The following AKAP9 variants were observed in gnomAD, a reference collection of about 807,000 sequenced individuals.
AKAP9 encodes A-kinase anchoring protein 9.
In AKAP9, 311 loss-of-function variants were observed where a neutral mutation model predicts 488.5. That is an observed-to-expected ratio of 0.64 (90% CI 0.58 to 0.70). The LOEUF is 0.70. Ranked by LOEUF, AKAP9 falls within the 30% of genes least tolerant of loss-of-function variation. The pLI, the probability that AKAP9 is intolerant of heterozygous loss-of-function variation, is 0.00. For missense variants in AKAP9, 4,215 were observed against 4,374.5 expected (o/e 0.96, Z 1.03); for synonymous variants, 1,462 against 1,483.5 (o/e 0.99, Z 0.33).
intron 17 of AKAP9, among the ~76,000 whole-genome samples, chr7:92,039,932 G>A (rs1173937479): frequency 6.6e-6 from 1 of 152,130 alleles, no homozygotes; most frequent in African/African-American, 2.4e-5. Flanking sequence ...CCAAGGTGGT[G>A]CCACTGCACT....
chr7:92,010,763 C>T (rs1800634788), intron 8 of AKAP9, among the ~76,000 whole-genome samples: 1 of 152,174 alleles, frequency 6.6e-6, no homozygotes, highest in Non-Finnish European at 1.5e-5. Flanking sequence ...AGGCAATCTC[C>T]TCATCTCAGC....
intron 8 of AKAP9, among the ~76,000 whole-genome samples, chr7:92,007,452 A>G (rs1027647118): frequency 6.6e-6 from 1 of 152,074 alleles, no homozygotes; most frequent in African/African-American, 2.4e-5. Flanking sequence ...GGGTTTCACC[A>G]TGTTGGCCAG....
chr7:92,045,283 T>A, intron 21 of AKAP9, 70 bp downstream of exon 21: 1 of 1,447,520 alleles, frequency 6.9e-7, no homozygotes, highest in Non-Finnish European at 9.7e-7. Context: ...TTTTGCCATG[T>A]GTTGAAAATA....
chr7:91,960,999 G>A (rs1192503744), intron 1 of AKAP9, among the ~76,000 whole-genome samples: 1 of 152,190 alleles, frequency 6.6e-6, no homozygotes, highest in East Asian at 1.9e-4. Flanking sequence ...TTGATGAAAT[G>A]AGAGACTGTT....
rs377056723 is a variant in AKAP9, at chr7:92,076,017, T to C, written c.6613-838T>C. 2.5e-4 allele frequency among the ~76,000 whole-genome samples: 38 copies of C among 152,334 alleles called. No homozygotes were observed. The East Asian group carries it at 7.3e-3, about 29-fold the overall frequency. On this transcript the variant is annotated intron_variant, in intron 28 of 49. Coordinates refer to ENST00000356239, the MANE Select transcript of AKAP9 (RefSeq NM_005751.5). The stretch of plus-strand genomic sequence containing the variant: ...ATGCTCCTGCATCTTAGTTTGCTTT[T>C]TGATCAGCAGTTTTGATCATGAGGT...
chr7:91,967,495 T>G (rs1431179918), intron 1 of AKAP9, among the ~76,000 whole-genome samples: 2 of 152,242 alleles, frequency 1.3e-5, no homozygotes, highest in African/African-American at 4.8e-5. Context: ...TCCAGTTTGT[T>G]GAGGGTTTCT....
At chr7:91,978,653 A>G (rs563690587) in intron 2 of AKAP9, among the ~76,000 whole-genome samples, 15 of 152,332 alleles carry the variant, frequency 9.8e-5, no homozygotes, top group African/African-American at 3.6e-4. Flanking sequence ...TGTTATAACA[A>G]AAGTGGTTAT....
chr7:92,104,186 ATTTATTTTTTT>A (rs1435936794), intron 46 of AKAP9, among the ~76,000 whole-genome samples: 1 of 87,326 alleles, frequency 1.1e-5, no homozygotes, highest in Non-Finnish European at 2.1e-5. Flanking sequence ...TTATTTATTT[ATTTATTTTTTT>A]TTTTTTTTTT....
In AKAP9 at chr7:92,076,399, C is replaced by A. The variant is rs535086228; in HGVS notation, c.6613-456C>A. Among the ~76,000 whole-genome samples, 6 of 152,138 alleles carry A rather than the reference C, an allele frequency of 3.9e-5. No individual in the cohort carries two copies. In the East Asian group the frequency reaches 1.2e-3, roughly 29 times the overall value. ...CTTAACAAACCACATGGCAGCCAGG[C>A]CTTTTAGTAAGTTAATTAGATATTT... On this transcript the variant is annotated intron_variant, in intron 28 of 49. Coordinates refer to ENST00000356239, the MANE Select transcript of AKAP9 (RefSeq NM_005751.5).
chr7:92,070,730 C>T (rs919001469), intron 27 of AKAP9, among the ~76,000 whole-genome samples, 175 bp from the exon 28 acceptor site: 5 of 144,462 alleles, frequency 3.5e-5, no homozygotes, highest in South Asian at 2.2e-4. Context: ...CCATCATGCC[C>T]GGCCAACTTT....
At chr7:92,083,988 C>T (rs1049325854) in intron 33 of AKAP9, among the ~76,000 whole-genome samples, 1 of 152,130 alleles carries the variant, frequency 6.6e-6, no homozygotes, top group Non-Finnish European at 1.5e-5. Flanking sequence ...GCACCTCACC[C>T]CCGACAGGCC....
chr7:91,991,924 G>A (rs974856812), intron 3 of AKAP9, among the ~76,000 whole-genome samples: 2 of 152,218 alleles, frequency 1.3e-5, no homozygotes, highest in Non-Finnish European at 2.9e-5. Context: ...AAGTGAAAAT[G>A]TATATATGTG....
At chr7:92,094,658 C>T (rs372438422) in intron 39 of AKAP9, among the ~76,000 whole-genome samples, 1 of 152,082 alleles carries the variant, frequency 6.6e-6, no homozygotes, top group Non-Finnish European at 1.5e-5. Context: ...AATGGTGAAA[C>T]TCCATCTCTA....
rs758538072 is a variant in AKAP9 at position 91,980,247 on chromosome 7, C to CA, written c.307-36dup. On this transcript the variant is annotated intron_variant, in intron 2 of 49. Coordinates refer to ENST00000356239, the MANE Select transcript of AKAP9 (RefSeq NM_005751.5). ...GTTTAGTAAAGTATGATATTTAGCA[C>CA]AAAAAAGTCATAATTATATTTGGTT... 5 of 1,322,910 alleles carry CA rather than the reference C, an allele frequency of 3.8e-6. No individual in the cohort carries two copies. The Admixed American group carries it at 5.2e-5, about 14-fold the overall frequency. 81.9% of individuals were successfully genotyped at this position (1,322,910 alleles called of 1,614,324 possible).
chr7:92,023,253 GGTT>G (rs1441411581), intron 14 of AKAP9, among the ~76,000 whole-genome samples: 1 of 152,134 alleles, frequency 6.6e-6, no homozygotes. Context: ...TAAAGATGTT[GGTT>G]GTTGTTAATC....
At chr7:91,984,262 T>TTA (rs1796788190) in intron 3 of AKAP9, among the ~76,000 whole-genome samples, 1 of 152,162 alleles carries the variant, frequency 6.6e-6, no homozygotes, top group Non-Finnish European at 1.5e-5. Flanking sequence ...TATGGTTTTA[T>TTA]GTCTAACATT....
At chr7:92,096,485 C>T (rs1190746678) in intron 40 of AKAP9, among the ~76,000 whole-genome samples, 1 of 152,036 alleles carries the variant, frequency 6.6e-6, no homozygotes, top group Admixed American at 6.6e-5. Context: ...CAGGCACGTG[C>T]CATTGCACCC....
chr7:92,098,758 G>A (rs778119688), intron 43 of AKAP9, among the ~76,000 whole-genome samples: 13 of 151,970 alleles, frequency 8.6e-5, no homozygotes, highest in South Asian at 8.3e-4. Flanking sequence ...CACACAGTCC[G>A]ACACCCTGAG....
In AKAP9 at chr7:92,079,621, T is replaced by C. The variant is rs201977551; in HGVS notation, c.7488T>C (p.Asn2496=). The part of the protein sequence containing the change: ...FEENGKGSII[N]LETRLLQLES... Reference sequence around the variant, plus strand: ...AAAATGGCAAAGGTTCCATAATTAATTTGGAAACAAGGTTGCTACAACTTG... The same window carrying C: ...AAAATGGCAAAGGTTCCATAATTAACTTGGAAACAAGGTTGCTACAACTTG... The change falls in exon 31 of 50, where the codon AAT becomes AAC. Residue 2496 remains asparagine (N), a synonymous_variant. Coordinates refer to ENST00000356239, the MANE Select transcript of AKAP9 (RefSeq NM_005751.5). The C allele has an allele frequency of 6.2e-7, 1 of 1,613,760 alleles. No individual in the cohort carries two copies. The highest frequency in any genetic ancestry group is 2.2e-5 in the East Asian group (1 of 44,864).
Sources: gnomAD v4.1 joint callset for allele counts (sites outside exome capture counted in the v4.1 genomes callset) on GRCh38, gnomAD v4.1.1 for gene constraint, MANE v1.5 for transcripts, NCBI Gene and HGNC (gene_info 2026-07-23, HGNC 2026-07-21) for gene names.